The following STX6 variants were observed in gnomAD, a reference collection of about 807,000 sequenced individuals.
STX6 encodes syntaxin 6, also known as syntaxin-6.
In STX6, 23 loss-of-function variants were observed where a neutral mutation model predicts 38.0. That is an observed-to-expected ratio of 0.60 (90% confidence interval 0.43 to 0.86). STX6 has a LOEUF of 0.86. Among genes scored for constraint, STX6 ranks in the 40% least tolerant of loss-of-function variants. The pLI, the probability that STX6 is intolerant of heterozygous loss-of-function variation, is 0.00. For missense variants in STX6, 274 were observed against 312.9 expected, an observed-to-expected ratio of 0.88 and a Z score of 0.94; for synonymous variants, 123 against 107.5, an observed-to-expected ratio of 1.14 and a Z score of -0.89.
intron 6 of STX6, 35 bp downstream of exon 6, chr1:180,988,204 T>C: frequency 6.5e-7 from 1 of 1,528,598 alleles, no homozygotes; most frequent in Non-Finnish European, 9.1e-7. Flanking sequence ...TGCCCCTCAA[T>C]TTCACTGAAG....
chr1:180,993,252 C>T, intron 4 of STX6, 111 bp downstream of exon 4: 1 of 692,544 alleles, frequency 1.4e-6, no homozygotes, highest in East Asian at 2.7e-5. Flanking sequence ...GGCCTGCAAG[C>T]AGAAGTCTTC....
chr1:181,006,049 A>G (rs1656216341), intron 1 of STX6, among the ~76,000 whole-genome samples: 1 of 152,046 alleles, frequency 6.6e-6, no homozygotes, highest in African/African-American at 2.4e-5. Flanking sequence ...AATACCATAT[A>G]CCAGATTAGT....
chr1:180,977,703 C>T (rs115531908), intron 7 of STX6, among the ~76,000 whole-genome samples: 2,937 of 152,298 alleles, frequency 0.019, 92 homozygotes, highest in African/African-American at 0.067. Context: ...TATTGATTCA[C>T]TAAAGTTTCT....
At chr1:181,006,852 T>C (rs748342769) in intron 1 of STX6, among the ~76,000 whole-genome samples, 1 of 152,214 alleles carries the variant, frequency 6.6e-6, no homozygotes, top group Non-Finnish European at 1.5e-5. Flanking sequence ...ATACAGCTTC[T>C]AGGTGCAGGC....
chr1:180,995,774 TATC>T (rs1293211352), intron 3 of STX6, among the ~76,000 whole-genome samples: 1 of 152,186 alleles, frequency 6.6e-6, no homozygotes. Flanking sequence ...ATAATAAAAA[TATC>T]AACATGCAAG....
At chr1:181,006,729 C>A (rs10494536) in intron 1 of STX6, among the ~76,000 whole-genome samples, 6 of 151,784 alleles carry the variant, frequency 4.0e-5, no homozygotes, top group Non-Finnish European at 7.4e-5. Flanking sequence ...TACCCTCTGA[C>A]GTTTCAAGTA....
chr1:181,002,415 A>G (rs1464153087), intron 3 of STX6, among the ~76,000 whole-genome samples, 191 bp downstream of exon 3: 1 of 152,074 alleles, frequency 6.6e-6, no homozygotes, highest in East Asian at 1.9e-4. Context: ...CCACCTCCCA[A>G]AGTGCTGAGA....
At chr1:181,016,346 T>C (rs1391926722) in intron 1 of STX6, among the ~76,000 whole-genome samples, 3 of 152,210 alleles carry the variant, frequency 2.0e-5, no homozygotes, top group African/African-American at 4.8e-5. Context: ...AGCATGGGTC[T>C]TTCTTTTTTT....
In STX6 at chr1:181,010,311, CT is replaced by C. The variant is rs563479356; in HGVS notation, c.36-4849del. ...TTTTTACTGTTTCATGAAGAATATT[CT>C]TTTTTTTGAGACAGAATCTCACTCT... On this transcript the variant is annotated intron_variant, in intron 1 of 7. Coordinates refer to ENST00000258301, the MANE Select transcript of STX6 (RefSeq NM_005819.6). Among the ~76,000 whole-genome samples, 5 of 151,806 alleles carry C rather than the reference CT, an allele frequency of 3.3e-5. No homozygotes were observed. The South Asian group carries it at 1.0e-3, about 32-fold the overall frequency.
chr1:180,982,973 T>C (rs982654437), intron 7 of STX6, among the ~76,000 whole-genome samples: 3 of 152,232 alleles, frequency 2.0e-5, no homozygotes, highest in African/African-American at 4.8e-5. Context: ...AGCTTCTCTT[T>C]GTTTTGGATG....
chr1:181,022,557 C>T, intron 1 of STX6, 82 bp downstream of exon 1: 1 of 1,448,762 alleles, frequency 6.9e-7, no homozygotes, highest in South Asian at 1.2e-5. Context: ...CCTCCCCTCC[C>T]CCCACTGCGA....
chr1:181,005,547 G>C (rs1656200305), intron 1 of STX6, 84 bp from the exon 2 acceptor site: 1 of 1,329,650 alleles, frequency 7.5e-7, no homozygotes, highest in Admixed American at 2.4e-5. Context: ...TAACATTTAT[G>C]ATCATACACC....
intron 7 of STX6, among the ~76,000 whole-genome samples, chr1:180,979,444 AAG>A (rs1483066879): frequency 1.3e-5 from 2 of 152,250 alleles, no homozygotes; most frequent in Admixed American, 1.3e-4. Context: ...CAACAGAGCA[AAG>A]AGAGTCTTTT....
chr1:180,977,060 G>C (rs914003437), intron 7 of STX6, among the ~76,000 whole-genome samples: 4 of 152,144 alleles, frequency 2.6e-5, no homozygotes, highest in African/African-American at 9.7e-5. Flanking sequence ...TTCTCAATGA[G>C]CACAACGGGA....
At chr1:180,982,946 A>G (rs1655457132) in intron 7 of STX6, among the ~76,000 whole-genome samples, 1 of 152,250 alleles carries the variant, frequency 6.6e-6, no homozygotes, top group Non-Finnish European at 1.5e-5. Context: ...AGAAAGAAGA[A>G]AATGACTCTA....
rs143084648 is a variant in STX6, at chr1:181,020,034, G to A, written c.35+2605C>T. ...AAAAATTAGCCGGGCGTGGTGGCGGGTGCCCTGCCCATAGTCCTAAAAATA... is the reference window on the plus strand; with the variant it reads ...AAAAATTAGCCGGGCGTGGTGGCGGATGCCCTGCCCATAGTCCTAAAAATA... On this transcript the variant is annotated intron_variant, in intron 1 of 7. Transcript: ENST00000258301. Among the ~76,000 whole-genome samples, 1,409 of 152,132 alleles carry A rather than the reference G, an allele frequency of 9.3e-3. 20 individuals are homozygous for A. The highest frequency in any genetic ancestry group is 0.033 in the African/African-American group (1,352 of 41,488).
intron 2 of STX6, among the ~76,000 whole-genome samples, chr1:181,003,871 A>G (rs1490608373): frequency 6.6e-6 from 1 of 152,262 alleles, no homozygotes; most frequent in Non-Finnish European, 1.5e-5. Context: ...ATGAATTAGC[A>G]GAGCAGATCT....
At chr1:180,979,405 T>C in intron 7 of STX6, among the ~76,000 whole-genome samples, 1 of 152,244 alleles carries the variant, frequency 6.6e-6, no homozygotes, top group East Asian at 1.9e-4. Context: ...TACAGTCAAC[T>C]GATCTTTCAC....
At chr1:181,019,853 T>C (rs1294389476) in intron 1 of STX6, among the ~76,000 whole-genome samples, 1 of 152,190 alleles carries the variant, frequency 6.6e-6, no homozygotes, top group Non-Finnish European at 1.5e-5. Context: ...ACCTTTTATG[T>C]ATGTTTGGAA....
Sources: allele counts gnomAD v4.1 joint callset (sites outside exome capture counted in the v4.1 genomes callset), GRCh38; gene constraint gnomAD v4.1.1; transcripts MANE v1.5; gene names NCBI Gene and HGNC (gene_info 2026-07-23, HGNC 2026-07-21).